The following IL15 variants were observed in gnomAD, a reference collection of about 807,000 sequenced individuals.
IL15 encodes the protein interleukin 15, also known as interleukin-15.
IL15 carries 11 observed loss-of-function variants against 19.6 expected under a neutral mutation model. The ratio of observed to expected loss-of-function variants is 0.56; its 90% confidence interval spans 0.35 to 0.93. The LOEUF is 0.93. Among genes scored for constraint, IL15 ranks in the 40% least tolerant of loss-of-function variants. IL15 has a pLI of 0.01. For synonymous variants in IL15, 58 were observed against 59.6 expected, an observed-to-expected ratio of 0.97 and a Z score of 0.12; for missense variants, 197 against 186.5, an observed-to-expected ratio of 1.06 and a Z score of -0.33.
intron 2 of IL15, chr4:141,717,089 T>C (rs554136772): frequency 2.6e-4 from 39 of 152,314 alleles, no homozygotes; most frequent in African/African-American, 8.7e-4. Context: ...AAGTATTACC[T>C]AGATAACTCG....
intron 1 of IL15, among the ~76,000 whole-genome samples, chr4:141,653,156 C>A (rs1299241970): frequency 1.3e-5 from 2 of 152,120 alleles, no homozygotes; most frequent in Non-Finnish European, 2.9e-5. Context: ...TAACAATTGG[C>A]TGATTTTTAT....
chr4:141,730,095 C>T, intron 7 of IL15, 111 bp downstream of exon 7: 1 of 846,100 alleles, frequency 1.2e-6, no homozygotes, highest in South Asian at 1.4e-5. Context: ...AGAAGGAGTC[C>T]TGTTCCAGTG....
At chr4:141,676,774 GAA>G (rs796511038) in intron 2 of IL15, among the ~76,000 whole-genome samples, 2 of 127,840 alleles carry the variant, frequency 1.6e-5, no homozygotes, top group African/African-American at 2.8e-5. Context: ...AGGTATGGCA[GAA>G]AAAAAAAAAA....
At chr4:141,731,397 A>G (rs1371067983) in intron 7 of IL15, among the ~76,000 whole-genome samples, 3 of 152,206 alleles carry the variant, frequency 2.0e-5, no homozygotes, top group African/African-American at 7.2e-5. Flanking sequence ...ACAGTGTCTC[A>G]TATATATTAA....
chr4:141,733,613 A>G lies in IL15; in HGVS notation c.*765A>G, dbSNP rs1730528342. The G allele has an allele frequency of 6.6e-6, 1 of 152,162 alleles. No individual in the cohort carries two copies. The highest frequency in any genetic ancestry group is 2.4e-5 in the African/African-American group (1 of 41,424). The allele number at this position is 152,162 out of a possible 1,614,324, so 9.4% of individuals were successfully genotyped here. On this transcript the variant is annotated 3_prime_UTR_variant, in exon 8 of 8. Transcript: ENST00000320650. The stretch of plus-strand genomic sequence containing the variant: ...GCCCAACACAAATTCATAAACTTTC[A>G]TACATCTCGTTTTTAGCTCATCAGC...
At chr4:141,707,210 T>G (rs1460672829) in intron 2 of IL15, among the ~76,000 whole-genome samples, 6 of 152,098 alleles carry the variant, frequency 3.9e-5, no homozygotes, top group Admixed American at 1.3e-4. Context: ...TTCACTTGTA[T>G]TTTTTAAATT....
chr4:141,731,377 A>G (rs532273665), intron 7 of IL15, among the ~76,000 whole-genome samples: 1 of 152,288 alleles, frequency 6.6e-6, no homozygotes, highest in Admixed American at 6.5e-5. Flanking sequence ...ACTATATCCA[A>G]ATTCCCAGAA....
intron 5 of IL15, among the ~76,000 whole-genome samples, chr4:141,723,317 TA>T (rs557639996): frequency 1.4e-4 from 21 of 152,224 alleles, no homozygotes; most frequent in African/African-American, 4.6e-4. Flanking sequence ...CATACTAGAG[TA>T]GGGGGGGCCC....
At chr4:141,651,958 T>C (rs1183997244) in intron 1 of IL15, among the ~76,000 whole-genome samples, 2 of 152,016 alleles carry the variant, frequency 1.3e-5, no homozygotes, top group African/African-American at 2.4e-5. Flanking sequence ...GGGAAACCTG[T>C]AGCAAGTACA....
intron 1 of IL15, among the ~76,000 whole-genome samples, chr4:141,640,323 G>A (rs201847506): frequency 6.6e-6 from 1 of 150,654 alleles, no homozygotes; most frequent in African/African-American, 2.4e-5. Context: ...AAAAAAAAAA[G>A]ACATGCAGAG....
At chr4:141,711,813 T>C (rs867558025) in intron 2 of IL15, among the ~76,000 whole-genome samples, 1 of 152,144 alleles carries the variant, frequency 6.6e-6, no homozygotes, top group African/African-American at 2.4e-5. Context: ...AGATGTGCTA[T>C]GAAAGAATGT....
At chr4:141,675,916 A>G (rs1465077572) in intron 2 of IL15, among the ~76,000 whole-genome samples, 2 of 152,204 alleles carry the variant, frequency 1.3e-5, no homozygotes, top group East Asian at 1.9e-4. Context: ...AAGAGACAGC[A>G]TACTAGTTTC....
At chr4:141,691,686 C>G (rs1205901970) in intron 2 of IL15, among the ~76,000 whole-genome samples, 2 of 152,210 alleles carry the variant, frequency 1.3e-5, no homozygotes. Flanking sequence ...CTCCATGTCT[C>G]ATATCCTGGG....
At chr4:141,692,399 T>G (rs892201566) in intron 2 of IL15, among the ~76,000 whole-genome samples, 3 of 152,244 alleles carry the variant, frequency 2.0e-5, no homozygotes, top group Admixed American at 6.5e-5. Flanking sequence ...GGCTTGAATT[T>G]CTCCACAGAA....
intron 2 of IL15, chr4:141,688,827 A>T (rs1305511745): frequency 6.4e-6 from 1 of 156,714 alleles, no homozygotes; most frequent in Non-Finnish European, 1.4e-5. Context: ...TACAGTTTCA[A>T]CTAGTGGCCC....
intron 1 of IL15, among the ~76,000 whole-genome samples, chr4:141,650,336 C>A (rs189845668): frequency 6.6e-6 from 1 of 152,108 alleles, no homozygotes; most frequent in Admixed American, 6.6e-5. Flanking sequence ...TAGATCTAAG[C>A]TGTGAGATGA....
At chr4:141,708,000 A>T (rs1014697399) in intron 2 of IL15, among the ~76,000 whole-genome samples, 1 of 152,080 alleles carries the variant, frequency 6.6e-6, no homozygotes, top group Admixed American at 6.6e-5. Context: ...GCAGGACTGG[A>T]TGTCGGGCTG....
chr4:141,681,196 C>G (rs17364630), intron 2 of IL15, among the ~76,000 whole-genome samples: 17,423 of 151,778 alleles, frequency 0.11, 1,078 homozygotes, highest in Non-Finnish European at 0.14. Context: ...CCTTTTGATT[C>G]TTGCTCTGAT....
At chr4:141,699,009 G>C (rs1168395425) in intron 2 of IL15, among the ~76,000 whole-genome samples, 1 of 151,962 alleles carries the variant, frequency 6.6e-6, no homozygotes, top group Non-Finnish European at 1.5e-5. Context: ...GTATCCCAGA[G>C]GTTTTGATAA....
Sources: allele counts gnomAD v4.1 joint callset (sites outside exome capture counted in the v4.1 genomes callset), GRCh38; gene constraint gnomAD v4.1.1; transcripts MANE v1.5; gene names NCBI Gene and HGNC (gene_info 2026-07-23, HGNC 2026-07-21).